SDHA: variants seen among roughly 807,000 people sequenced by gnomAD.
SDHA encodes succinate dehydrogenase [ubiquinone] flavoprotein subunit, mitochondrial.
Under a neutral mutation model 78.4 loss-of-function variants are expected in SDHA, and 48 were observed. The ratio of observed to expected loss-of-function variants is 0.61; its 90% CI spans 0.49 to 0.78. The LOEUF (loss-of-function observed/expected upper bound fraction) is 0.78, where lower values mean the gene tolerates loss of function less well. SDHA is among the 30% of genes least tolerant of loss of function. SDHA has a pLI of 0.00. For missense variants in SDHA, 680 were observed against 892.7 expected (o/e 0.76, Z 3.04); for synonymous variants, 326 against 353.9 (o/e 0.92, Z 0.88).
In SDHA at chr5:240,427, T is replaced by A. The variant is rs757932443; in HGVS notation, c.1502T>A (p.Phe501Tyr). 6.2e-7 allele frequency: 1 copy of A among 1,611,774 alleles called. No individual in the cohort carries two copies. The highest frequency in any genetic ancestry group is 1.1e-5 in the South Asian group (1 of 90,990). ...GTCATGAATCTTGACAAATTGAGATTTGCTGATGGAAGCATAAGAACATCG... is the reference window on the plus strand; with the variant it reads ...GTCATGAATCTTGACAAATTGAGATATGCTGATGGAAGCATAAGAACATCG... ...ESVMNLDKLR[F>Y]ADGSIRTSEL... Residue 501 changes from phenylalanine to tyrosine, a missense_variant, in exon 11 of 15, where the codon TTT becomes TAT. Coordinates refer to ENST00000264932, the MANE Select transcript of SDHA (RefSeq NM_004168.4).
In SDHA at chr5:227,698, G is replaced by C. The variant is rs1449737925; in HGVS notation, c.622-487G>C. The C allele has an allele frequency of 5.7e-5, 13 of 227,250 alleles. 1 individual carries two copies. The South Asian group carries it at 8.1e-4, about 14-fold the overall frequency. 14.1% of individuals were successfully genotyped at this position (227,250 alleles called of 1,614,324 possible). Reference sequence around the variant, plus strand: ...CTTTCTGCGGTGCCGGAATCTGCTCGTCTGCAACCGTCCGCTTTGGTAGCT... The same window carrying C: ...CTTTCTGCGGTGCCGGAATCTGCTCCTCTGCAACCGTCCGCTTTGGTAGCT... On this transcript the variant is annotated intron_variant, in intron 5 of 14. Transcript: ENST00000264932.
At chr5:231,331 G>C (rs767254689) in intron 7 of SDHA, among the ~76,000 whole-genome samples, 1 of 151,992 alleles carries the variant, frequency 6.6e-6, no homozygotes, top group African/African-American at 2.4e-5. Context: ...AGGCCAAGGC[G>C]GGCGGATCAC....
intron 6 of SDHA, 84 bp from the exon 7 acceptor site, chr5:230,792 T>C: frequency 1.3e-6 from 2 of 1,572,576 alleles, no homozygotes; most frequent in South Asian, 2.2e-5. Context: ...TGCTGGGGGC[T>C]GCCGTGTCCA....
At chr5:253,448 TTTA>T (rs1326933699) in intron 13 of SDHA, among the ~76,000 whole-genome samples, 6 of 152,110 alleles carry the variant, frequency 3.9e-5, no homozygotes, top group Non-Finnish European at 7.4e-5. Context: ...TATTTTTATT[TTTA>T]TTTTTTTGAG....
At chr5:251,695 A>G (rs2126634663) in intron 13 of SDHA, 3 of 1,482,944 alleles carry the variant, frequency 2.0e-6, no homozygotes, top group East Asian at 5.5e-5. Context: ...CAGCAGTGGC[A>G]TCTCCAAGCC....
intron 1 of SDHA, among the ~76,000 whole-genome samples, chr5:220,810 A>G (rs1379815548): frequency 3.2e-5 from 4 of 125,948 alleles, no homozygotes; most frequent in African/African-American, 1.6e-4. Flanking sequence ...CCATGTGTGA[A>G]CTGAATTTTT....
intron 1 of SDHA, among the ~76,000 whole-genome samples, chr5:220,653 G>A (rs989482264): frequency 6.6e-6 from 1 of 150,930 alleles, no homozygotes; most frequent in African/African-American, 2.5e-5. Flanking sequence ...AGATAGGGGG[G>A]CAAGTCCAGG....
intron 1 of SDHA, among the ~76,000 whole-genome samples, chr5:219,453 C>T (rs1265338937): frequency 6.6e-6 from 1 of 152,172 alleles, no homozygotes; most frequent in Admixed American, 6.5e-5. Context: ...TCAATAGGAA[C>T]CAAGGCATTC....
At chr5:266,249 G>A in the SDHA span, among the ~76,000 whole-genome samples, 1 of 152,226 alleles carries the variant, frequency 6.6e-6, no homozygotes, top group Non-Finnish European at 1.5e-5. Context: ...AAACTAAGAG[G>A]AAGTATTAAT....
chr5:218,937 G>A (rs1658335722), intron 1 of SDHA, among the ~76,000 whole-genome samples: 2 of 152,228 alleles, frequency 1.3e-5, no homozygotes, highest in Admixed American at 6.5e-5. Flanking sequence ...GGAGTGGCCG[G>A]GCTCGGCCCG....
chr5:257,217 CAG>C (rs962902721), downstream of SDHA, among the ~76,000 whole-genome samples: 1 of 152,188 alleles, frequency 6.6e-6, no homozygotes, highest in African/African-American at 2.4e-5. Flanking sequence ...TTATTCAAAT[CAG>C]GGGTCCCCAA....
chr5:221,082 G>A (rs773506387), intron 1 of SDHA, among the ~76,000 whole-genome samples: 48 of 152,022 alleles, frequency 3.2e-4, no homozygotes, highest in Non-Finnish European at 5.9e-4. Context: ...CAAAGGGCTG[G>A]GATTACAGGT....
intron 11 of SDHA, among the ~76,000 whole-genome samples, chr5:240,925 G>C (rs1368815228): frequency 6.6e-6 from 1 of 151,988 alleles, no homozygotes; most frequent in African/African-American, 2.4e-5. Flanking sequence ...GTCATCCGTT[G>C]ATGGGCACTT....
At chr5:263,622 C>G in the SDHA span, among the ~76,000 whole-genome samples, 1 of 152,250 alleles carries the variant, frequency 6.6e-6, no homozygotes, top group Admixed American at 6.5e-5. Context: ...CATAAAAAAG[C>G]TGGTCATAAA....
At chr5:244,968 A>G (rs13156023) in intron 11 of SDHA, among the ~76,000 whole-genome samples, 55,352 of 152,094 alleles carry the variant, frequency 0.36, 12,517 homozygotes, top group South Asian at 0.51. Flanking sequence ...TGGAAAGACA[A>G]AAGTTCCTGC....
chr5:258,688 GTGTGAGC>G (rs1737371225), downstream of SDHA, among the ~76,000 whole-genome samples: 1 of 101,926 alleles, frequency 9.8e-6, no homozygotes, highest in African/African-American at 6.3e-5. Context: ...CAGCATTACC[GTGTGAGC>G]TCCGCCTCCC....
intron 11 of SDHA, among the ~76,000 whole-genome samples, chr5:242,006 T>G (rs1002172998): frequency 6.6e-6 from 1 of 152,198 alleles, no homozygotes; most frequent in Non-Finnish European, 1.5e-5. Context: ...GTGAGAATAC[T>G]AGAAGCATTC....
intron 11 of SDHA, among the ~76,000 whole-genome samples, chr5:247,646 C>G (rs950321388): frequency 1.3e-5 from 2 of 152,208 alleles, no homozygotes; most frequent in African/African-American, 4.8e-5. Flanking sequence ...CACATGTTCC[C>G]TCGTTTGGGA....
Position 256,363 on chromosome 5 carries a change from C to T in SDHA, c.1938C>T (p.Asp646=). 1 of 1,613,872 alleles carries T rather than the reference C, an allele frequency of 6.2e-7. No homozygotes were observed. Among genetic ancestry groups the T allele is most frequent in the Middle Eastern group, 1.7e-4 (1 of 6,056 alleles). The change falls in exon 15 of 15, where the codon GAC becomes GAT. Residue 646 remains aspartate (D), a synonymous_variant. Transcript: ENST00000264932. ...CTCTGGAATATAGACCCGTGATCGACAAAACTTTGAACGAGGCTGACTGTG... is the reference window on the plus strand; with the variant it reads ...CTCTGGAATATAGACCCGTGATCGATAAAACTTTGAACGAGGCTGACTGTG... ...KVTLEYRPVI[D]KTLNEADCAT...
Sources: gnomAD v4.1 joint callset for allele counts (sites outside exome capture counted in the v4.1 genomes callset) on GRCh38, gnomAD v4.1.1 for gene constraint, MANE v1.5 for transcripts, NCBI Gene and HGNC (gene_info 2026-07-23, HGNC 2026-07-21) for gene names.